Variants in CAST observed in about 807,000 individuals in gnomAD.
The protein encoded by CAST is calpastatin.
A neutral mutation model predicts 119.6 loss-of-function variants in CAST; 76 were observed. The ratio of observed to expected loss-of-function variants is 0.64; its 90% CI spans 0.53 to 0.77. The LOEUF is 0.77. Ranked by LOEUF, CAST falls within the 30% of genes least tolerant of loss-of-function variation. The pLI is 0.00. For missense variants in CAST, 953 were observed against 946.5 expected, an observed-to-expected ratio of 1.01 and a Z score of -0.09; for synonymous variants, 319 against 331.6, an observed-to-expected ratio of 0.96 and a Z score of 0.41.
the CAST span, among the ~76,000 whole-genome samples, chr5:96,079,787 T>C: frequency 6.6e-6 from 1 of 152,228 alleles, no homozygotes; most frequent in Non-Finnish European, 1.5e-5. Context: ...AACTTAACCA[T>C]GTTTTGTTTC....
rs1768246667 is a variant in CAST at position 96,762,258 on chromosome 5, T to A, written c.1834-16T>A. ...TATATACAACATGTTACTAATAAAA[T>A]TTTTTTCAATAAAAGAAATTTGAAG... On this transcript the variant is annotated splice_polypyrimidine_tract_variant and intron_variant, in intron 24 of 31. Transcript: ENST00000675179. 2.5e-6 allele frequency: 4 copies of A among 1,576,814 alleles called. No homozygotes were observed. Among genetic ancestry groups the A allele is most frequent in the Admixed American group, 1.8e-5 (1 of 55,144 alleles).
chr5:95,975,356 C>T, the CAST span, among the ~76,000 whole-genome samples: 3 of 152,080 alleles, frequency 2.0e-5, no homozygotes, highest in Non-Finnish European at 4.4e-5. Context: ...ACTTTAGGTC[C>T]CTGGGCCCCA....
At chr5:96,680,725 C>T in intron 2 of CAST, among the ~76,000 whole-genome samples, 1 of 152,166 alleles carries the variant, frequency 6.6e-6, no homozygotes, top group East Asian at 1.9e-4. Flanking sequence ...ATTTTGTGCT[C>T]TGTTTTTGAA....
the CAST span, among the ~76,000 whole-genome samples, chr5:96,071,627 C>T: frequency 1.3e-5 from 2 of 152,142 alleles, no homozygotes; most frequent in Non-Finnish European, 2.9e-5. Flanking sequence ...ACCTACTTTT[C>T]TTTGCTTGTC....
intron 1 of CAST, among the ~76,000 whole-genome samples, chr5:96,563,514 A>G (rs1746418983): frequency 1.3e-5 from 2 of 152,206 alleles, no homozygotes; most frequent in Non-Finnish European, 2.9e-5. Context: ...AAAGAGAAAC[A>G]AGAAATTGGC....
At chr5:96,300,657 T>C in the CAST span, among the ~76,000 whole-genome samples, 2 of 152,258 alleles carry the variant, frequency 1.3e-5, no homozygotes, top group Admixed American at 1.3e-4. Flanking sequence ...TTTACAGAAA[T>C]TACATTGAAT....
At chr5:96,247,497 A>T in the CAST span, among the ~76,000 whole-genome samples, 2 of 152,246 alleles carry the variant, frequency 1.3e-5, no homozygotes, top group Non-Finnish European at 2.9e-5. Flanking sequence ...GCTTTTGTGC[A>T]TGAGTGTCAG....
At chr5:96,396,266 A>G in the CAST span, among the ~76,000 whole-genome samples, 1 of 152,232 alleles carries the variant, frequency 6.6e-6, no homozygotes, top group African/African-American at 2.4e-5. Context: ...ATTTATTTTC[A>G]AAAAGTTATC....
the CAST span, among the ~76,000 whole-genome samples, chr5:96,366,614 T>A: frequency 6.6e-6 from 1 of 152,242 alleles, no homozygotes; most frequent in African/African-American, 2.4e-5. Flanking sequence ...TTCCAGTTGA[T>A]CGAATCAGCT....
intron 1 of CAST, among the ~76,000 whole-genome samples, chr5:96,644,930 C>T (rs759070059): frequency 1.3e-5 from 2 of 152,134 alleles, no homozygotes; most frequent in Non-Finnish European, 2.9e-5. Context: ...GAGCCAAGAT[C>T]GGGCCACTGC....
chr5:96,770,035 A>G (rs895370363), intron 29 of CAST: 1 of 154,292 alleles, frequency 6.5e-6, no homozygotes, highest in Non-Finnish European at 1.4e-5. Flanking sequence ...ATGGGAGTGC[A>G]GATATCTTTA....
the CAST span, among the ~76,000 whole-genome samples, chr5:96,352,875 C>T: frequency 1.3e-5 from 2 of 152,180 alleles, no homozygotes; most frequent in African/African-American, 2.4e-5. Flanking sequence ...CTTGCTCTCT[C>T]TCCTGCTGCC....
At chr5:96,695,235 G>A (rs1310143035) in intron 2 of CAST, among the ~76,000 whole-genome samples, 2 of 152,134 alleles carry the variant, frequency 1.3e-5, no homozygotes, top group African/African-American at 4.8e-5. Flanking sequence ...AAAACACTTA[G>A]AGTACTTAGA....
chr5:96,297,219 A>T, the CAST span, among the ~76,000 whole-genome samples: 1 of 152,308 alleles, frequency 6.6e-6, no homozygotes, highest in African/African-American at 2.4e-5. Context: ...TTGAGCAGGG[A>T]ATTAATATGA....
chr5:96,555,676 G>A (rs753360151), intron 1 of CAST, among the ~76,000 whole-genome samples: 8 of 152,200 alleles, frequency 5.3e-5, no homozygotes, highest in Non-Finnish European at 1.0e-4. Flanking sequence ...CGAGGCTGAC[G>A]GAGGGGTGCC....
At chr5:96,440,400 G>C in the CAST span, among the ~76,000 whole-genome samples, 7 of 152,120 alleles carry the variant, frequency 4.6e-5, no homozygotes, top group African/African-American at 1.7e-4. Flanking sequence ...TGCAGCTGTA[G>C]CTGTTTACTC....
intron 24 of CAST, chr5:96,761,089 G>T (rs2150669587): frequency 6.6e-6 from 1 of 152,172 alleles, no homozygotes; most frequent in South Asian, 2.1e-4. Flanking sequence ...TTTTTAAAGA[G>T]AGTGAAAAAT....
the CAST span, among the ~76,000 whole-genome samples, chr5:96,343,552 C>G: frequency 2.0e-5 from 3 of 152,134 alleles, no homozygotes; most frequent in Non-Finnish European, 4.4e-5. Flanking sequence ...CCTAAGGAGG[C>G]TACCTGTAAG....
At chr5:96,249,342 A>T in the CAST span, among the ~76,000 whole-genome samples, 1 of 152,216 alleles carries the variant, frequency 6.6e-6, no homozygotes, top group South Asian at 2.1e-4. Flanking sequence ...CTGAGTGCCA[A>T]CTTTGGCATT....
Sources: gnomAD v4.1 joint callset for allele counts (sites outside exome capture counted in the v4.1 genomes callset) on GRCh38, gnomAD v4.1.1 for gene constraint, MANE v1.5 for transcripts, NCBI Gene and HGNC (gene_info 2026-07-23, HGNC 2026-07-21) for gene names.